Variants in GRHL2 observed in about 807,000 individuals in gnomAD.
The protein encoded by GRHL2 is grainyhead like transcription factor 2.
In GRHL2, 21 loss-of-function variants were observed where a neutral mutation model predicts 83.8. The ratio of observed to expected loss-of-function variants is 0.25; its 90% CI spans 0.18 to 0.36. The LOEUF (loss-of-function observed/expected upper bound fraction) is 0.36. Ranked by LOEUF, GRHL2 falls within the 10% of genes least tolerant of loss-of-function variation. The pLI is 1.00. For synonymous variants in GRHL2, 280 were observed against 278.9 expected (o/e 1.00, Z -0.04); for missense variants, 623 against 781.8 (o/e 0.80, Z 2.42).
At chr8:101,523,299 T>A (rs1332324247) in intron 1 of GRHL2, among the ~76,000 whole-genome samples, 1 of 152,030 alleles carries the variant, frequency 6.6e-6, no homozygotes, top group East Asian at 1.9e-4. Flanking sequence ...AAAAACCTCT[T>A]TCCTTGGAGA....
intron 8 of GRHL2, among the ~76,000 whole-genome samples, chr8:101,611,334 A>G (rs1756183004): frequency 1.3e-5 from 2 of 150,750 alleles, no homozygotes; most frequent in Non-Finnish European, 2.9e-5. Flanking sequence ...TCCTCTCACA[A>G]AACTTCACTT....
chr8:101,627,969 C>T (rs1038987442), intron 9 of GRHL2, among the ~76,000 whole-genome samples: 16 of 152,056 alleles, frequency 1.1e-4, no homozygotes, highest in Admixed American at 1.0e-3. Flanking sequence ...GAGATGACTT[C>T]GTAACATTCA....
At chr8:101,677,414 A>G in the GRHL2 span, among the ~76,000 whole-genome samples, 1 of 151,456 alleles carries the variant, frequency 6.6e-6, no homozygotes, top group Non-Finnish European at 1.5e-5. Flanking sequence ...AATAACCCCG[A>G]CCATCTCCAC....
intron 1 of GRHL2, among the ~76,000 whole-genome samples, chr8:101,531,894 C>A (rs1454081562): frequency 6.6e-6 from 1 of 152,018 alleles, no homozygotes; most frequent in African/African-American, 2.4e-5. Context: ...AAAACGAAAC[C>A]ATCTTAATTT....
intron 9 of GRHL2, among the ~76,000 whole-genome samples, chr8:101,628,805 G>C (rs1813129714): frequency 6.6e-6 from 1 of 152,098 alleles, no homozygotes; most frequent in Non-Finnish European, 1.5e-5. Flanking sequence ...TTCAGTAGAG[G>C]AAGTAACTGC....
intron 7 of GRHL2, among the ~76,000 whole-genome samples, chr8:101,588,931 CAAGTGTT>C: frequency 6.6e-6 from 1 of 152,102 alleles, no homozygotes; most frequent in Non-Finnish European, 1.5e-5. Context: ...TCGGTTTAAC[CAAGTGTT>C]ATAGTTTCTG....
chr8:101,649,457 A>G lies in GRHL2; in HGVS notation c.1656A>G (p.Ala552=). 1 of 1,614,074 alleles carries G rather than the reference A, an allele frequency of 6.2e-7. No homozygotes were observed. The highest frequency in any genetic ancestry group is 8.5e-7 in the Non-Finnish European group (1 of 1,179,984). The change falls in exon 14 of 16, where the codon GCA becomes GCG. Residue 552 remains alanine, a synonymous_variant. Transcript: ENST00000646743. ...AGGAGACTGACGATGTGTTCGATGC[A>G]TTGATGTTGAAGTCTCCCACAGTGA... is the stretch of plus-strand genomic sequence containing the variant. ...VRKETDDVFD[A]LMLKSPTVKG...
At chr8:101,646,553 C>T (rs572276574) in intron 13 of GRHL2, among the ~76,000 whole-genome samples, 1 of 152,224 alleles carries the variant, frequency 6.6e-6, no homozygotes. Context: ...TTGCTTGGAG[C>T]ATCCACTGAG....
rs1350709467 is a variant in GRHL2, at chr8:101,543,295, C to G, written c.75C>G (p.Thr25=). The change falls in exon 2 of 16, where the codon ACC becomes ACG. Residue 25 remains threonine, a synonymous_variant. Transcript: ENST00000646743. ...VPMPSDPPFN[T]RRAYTSEDEA... ...TGCCCAGTGACCCTCCATTCAATAC[C>G]CGAAGAGCCTACACCAGTGAGGATG... 6.2e-7 allele frequency: 1 copy of G among 1,614,076 alleles called. No individual in the cohort carries two copies. The highest frequency in any genetic ancestry group is 1.1e-5 in the South Asian group (1 of 91,078).
chr8:101,644,708 C>T (rs1255879671), intron 13 of GRHL2, among the ~76,000 whole-genome samples: 1 of 152,232 alleles, frequency 6.6e-6, no homozygotes, highest in Non-Finnish European at 1.5e-5. Flanking sequence ...GTGCCCATGT[C>T]TTGCCCAGCA....
chr8:101,538,003 GC>G (rs1223120920), intron 1 of GRHL2, among the ~76,000 whole-genome samples: 1 of 152,112 alleles, frequency 6.6e-6, no homozygotes, highest in East Asian at 1.9e-4. Flanking sequence ...TGAGGGAGCT[GC>G]CCTGTTACAT....
rs142211058 is a variant in GRHL2 at position 101,495,309 on chromosome 8, G to A, written c.20+2520G>A. On this transcript the variant is annotated intron_variant, in intron 1 of 15. Coordinates refer to ENST00000646743, the MANE Select transcript of GRHL2 (RefSeq NM_024915.4). Reference sequence around the variant, plus strand: ...TGAGATTTAGGCAATCTTTGGGATTGCACAGGAAGATATTTCTGGTTAACA... The same window carrying A: ...TGAGATTTAGGCAATCTTTGGGATTACACAGGAAGATATTTCTGGTTAACA... Among the ~76,000 whole-genome samples, 696 of 152,336 alleles carry A rather than the reference G, an allele frequency of 4.6e-3. 6 individuals are homozygous for A. Among genetic ancestry groups the A allele is most frequent in the African/African-American group, 0.016 (656 of 41,580 alleles).
At chr8:101,599,027 T>C (rs1449969222) in intron 7 of GRHL2, 30 bp from the exon 8 acceptor site, 1 of 1,499,456 alleles carries the variant, frequency 6.7e-7, no homozygotes, top group South Asian at 1.1e-5. Context: ...CTTACTCCTT[T>C]AAAAGCTTGT....
intron 1 of GRHL2, among the ~76,000 whole-genome samples, chr8:101,527,410 A>G (rs1191366591): frequency 6.6e-6 from 1 of 152,190 alleles, no homozygotes; most frequent in Non-Finnish European, 1.5e-5. Context: ...TTTGTTGCCC[A>G]GGCTGGTCTC....
chr8:101,606,474 ATGTGCTAAGATGAGT>A (rs1403387330), intron 8 of GRHL2, among the ~76,000 whole-genome samples: 10 of 152,200 alleles, frequency 6.6e-5, no homozygotes, highest in African/African-American at 2.4e-4. Context: ...GTAAACAGGG[ATGTGCTAAGATGAGT>A]TGGCTGGTGA....
chr8:101,628,269 G>A (rs902566560), intron 9 of GRHL2, among the ~76,000 whole-genome samples: 1 of 151,960 alleles, frequency 6.6e-6, no homozygotes, highest in South Asian at 2.1e-4. Flanking sequence ...CAGTGCTCAT[G>A]TACCATACCA....
In GRHL2 at chr8:101,600,115, C is replaced by A. The variant is rs1586133562; in HGVS notation, c.1098+964C>A. ...AGGAAACGGGTTGGGAGTTTGCAGG[C>A]ACGGCCACAGAAGAAGAATTGCCCA... On this transcript the variant is annotated intron_variant, in intron 8 of 15. Transcript: ENST00000646743. Among the ~76,000 whole-genome samples the A allele has an allele frequency of 2.0e-5, 3 of 152,304 alleles. No individual in the cohort carries two copies. In the South Asian group the frequency reaches 6.2e-4, roughly 32 times the overall value.
Position 101,610,955 on chromosome 8 carries a change from G to A in GRHL2, c.1099-8584G>A, listed in dbSNP as rs78643136. ...GTCAGTACAAACTTTAGGCTCTTTCGATATTAAGGGCAGAAGGATAAGAAG... is the reference window on the plus strand; with the variant it reads ...GTCAGTACAAACTTTAGGCTCTTTCAATATTAAGGGCAGAAGGATAAGAAG... On this transcript the variant is annotated intron_variant, in intron 8 of 15. Transcript: ENST00000646743. Among the ~76,000 whole-genome samples the A allele has an allele frequency of 3.6e-3, 540 of 150,944 alleles. 11 individuals carry two copies. The highest frequency in any genetic ancestry group is 6.0e-3 in the South Asian group (29 of 4,810).
At chr8:101,620,391 C>T (rs142792617) in intron 9 of GRHL2, among the ~76,000 whole-genome samples, 112 of 152,270 alleles carry the variant, frequency 7.4e-4, no homozygotes, top group African/African-American at 2.5e-3. Flanking sequence ...TGGGCATAGA[C>T]CCTGTCCCAG....
Sources: allele counts gnomAD v4.1 joint callset (sites outside exome capture counted in the v4.1 genomes callset), GRCh38; gene constraint gnomAD v4.1.1; transcripts MANE v1.5; gene names NCBI Gene and HGNC (gene_info 2026-07-23, HGNC 2026-07-21).